Variants in GPATCH2 observed in about 807,000 individuals in gnomAD.
GPATCH2 encodes the protein G-patch domain containing 2.
In GPATCH2, 51 loss-of-function variants were observed where a neutral mutation model predicts 58.0. That is an observed-to-expected ratio of 0.88 (90% CI 0.70 to 1.11). The LOEUF is 1.11. GPATCH2 is among the 50% of genes most tolerant of loss of function. The pLI, the probability that GPATCH2 is intolerant of heterozygous loss-of-function variation, is 0.00. For missense variants in GPATCH2, 625 were observed against 652.2 expected, an observed-to-expected ratio of 0.96 and a Z score of 0.45; for synonymous variants, 222 against 218.5, an observed-to-expected ratio of 1.02 and a Z score of -0.14.
At chr1:217,557,057 C>A (rs868028771) in intron 5 of GPATCH2, among the ~76,000 whole-genome samples, 2 of 152,190 alleles carry the variant, frequency 1.3e-5, no homozygotes, top group Non-Finnish European at 2.9e-5. Context: ...GAAAAAGCCA[C>A]TCCCAGTCTG....
chr1:217,610,350 T>A lies in GPATCH2; in HGVS notation c.1069A>T (p.Lys357Ter), dbSNP rs1047971579. 3.1e-6 allele frequency: 5 copies of A among 1,603,552 alleles called. No homozygotes were observed. The Admixed American group carries it at 6.7e-5, about 21-fold the overall frequency. ...GAAGTTGGAGTCCCTCCAGATTTTT[T>A]AATATTCTTTGAAGACATTCCATGA... ...RLHGMSSKNI[K>*]KSGGTPTSMV... Residue 357 changes from lysine to a stop codon, truncating the protein, a stop_gained, in exon 5 of 10, where the codon AAA (lysine) becomes TAA (stop). Coordinates refer to ENST00000366935, the MANE Select transcript of GPATCH2 (RefSeq NM_018040.5). LOFTEE classifies it high-confidence loss of function.
At chr1:217,469,946 T>C (rs1168866661) in intron 8 of GPATCH2, among the ~76,000 whole-genome samples, 1 of 152,210 alleles carries the variant, frequency 6.6e-6, no homozygotes, top group African/African-American at 2.4e-5. Flanking sequence ...TTAGGACTGC[T>C]TGTTTGTTTT....
intron 7 of GPATCH2, among the ~76,000 whole-genome samples, chr1:217,495,371 G>C (rs1661958114): frequency 6.6e-6 from 1 of 152,180 alleles, no homozygotes; most frequent in African/African-American, 2.4e-5. Flanking sequence ...AAGCTCAGGA[G>C]TGCTTCTATT....
At chr1:217,452,630 T>C (rs893462288) in intron 8 of GPATCH2, among the ~76,000 whole-genome samples, 3 of 152,154 alleles carry the variant, frequency 2.0e-5, no homozygotes, top group South Asian at 2.1e-4. Flanking sequence ...ACAAAGATAG[T>C]GAAAAACAAA....
At position 217,450,218 on chromosome 1, in the gene GPATCH2, G is replaced by A. The variant is rs554393208; in HGVS notation, c.1278-881C>T. On this transcript the variant is annotated intron_variant, in intron 8 of 9. Coordinates refer to ENST00000366935, the MANE Select transcript of GPATCH2 (RefSeq NM_018040.5). ...TGGGATAGGGCCTGGGGAACATGAA[G>A]CAGAAATAAATGAAAGCATGTTTAT... Among the ~76,000 whole-genome samples, 15 of 152,084 alleles carry A rather than the reference G, an allele frequency of 9.9e-5. No individual in the cohort carries two copies. The East Asian group carries it at 2.7e-3, about 27-fold the overall frequency.
At position 217,564,050 on chromosome 1, in the gene GPATCH2, A is replaced by G. The variant is rs1666072786; in HGVS notation, c.1098+46271T>C. On this transcript the variant is annotated intron_variant, in intron 5 of 9. Coordinates refer to ENST00000366935, the MANE Select transcript of GPATCH2 (RefSeq NM_018040.5). The stretch of plus-strand genomic sequence containing the variant: ...CAACAGCAAAACTCCGTCTCGAAAA[A>G]AAAAAAAAAAAAAAAAAAAAAGAAG... Among the ~76,000 whole-genome samples, 13 of 92,854 alleles carry G rather than the reference A, an allele frequency of 1.4e-4. No individual in the cohort carries two copies. In the South Asian group the frequency reaches 3.2e-3, roughly 23 times the overall value. The allele number at this position is 92,854 out of a possible 152,430, so 60.9% of individuals were successfully genotyped here.
intron 8 of GPATCH2, among the ~76,000 whole-genome samples, chr1:217,463,641 C>CAA (rs201402598): frequency 0.029 from 2,388 of 81,886 alleles, 247 homozygotes; most frequent in Non-Finnish European, 0.042. Flanking sequence ...CTTATCACTC[C>CAA]AAAAAAAAAA....
chr1:217,521,006 A>C (rs1663424646), intron 5 of GPATCH2, among the ~76,000 whole-genome samples: 5 of 152,104 alleles, frequency 3.3e-5, no homozygotes, highest in Admixed American at 3.3e-4. Context: ...CACCATGCCC[A>C]GTTACTTCTT....
rs200660146 is a variant in GPATCH2 at position 217,505,624 on chromosome 1, CA to C, written c.1167-7230del. On this transcript the variant is annotated intron_variant, in intron 6 of 9. Coordinates refer to ENST00000366935, the MANE Select transcript of GPATCH2 (RefSeq NM_018040.5). ...TGAGGTCTCCTAAAAATGTACTTTT[CA>C]GAAGGAAAGAGCTATTGCAACTTAT... is the stretch of plus-strand genomic sequence containing the variant. 8.9e-3 allele frequency among the ~76,000 whole-genome samples: 1,356 copies of C among 152,142 alleles called. 7 individuals are homozygous for C. The highest frequency in any genetic ancestry group is 0.014 in the Non-Finnish European group (978 of 68,006).
chr1:217,431,148 G>A lies in GPATCH2; in HGVS notation c.1584C>T (p.Ala528=), dbSNP rs1484694598. ...AAACATTTCTTCTTTGCTTTTCTTA[G>A]GCGGATTTTCCTGCATTGGGGGTAG... ...ATTTPNAGKS[A] Residue 528 remains alanine, a synonymous_variant, in exon 10 of 10, where the codon GCC becomes GCT. Transcript: ENST00000366935. 7.1e-7 allele frequency: 1 copy of A among 1,401,718 alleles called. No homozygotes were observed. The highest frequency in any genetic ancestry group is 1.0e-6 in the Non-Finnish European group (1 of 986,054). The allele number at this position is 1,401,718 out of a possible 1,614,324, so 86.8% of individuals were successfully genotyped here.
At chr1:217,550,115 T>A (rs763753578) in intron 5 of GPATCH2, among the ~76,000 whole-genome samples, 2 of 152,088 alleles carry the variant, frequency 1.3e-5, no homozygotes, top group Non-Finnish European at 2.9e-5. Context: ...TGAGGCAGCA[T>A]GATTTAGTGA....
intron 6 of GPATCH2, among the ~76,000 whole-genome samples, chr1:217,508,967 A>T (rs1406782512): frequency 6.6e-6 from 1 of 152,182 alleles, no homozygotes; most frequent in Non-Finnish European, 1.5e-5. Flanking sequence ...CAATTCATAC[A>T]TTGTTGTGTT....
chr1:217,598,207 G>A (rs141691652), intron 5 of GPATCH2, among the ~76,000 whole-genome samples: 1,907 of 151,964 alleles, frequency 0.013, 30 homozygotes, highest in Middle Eastern at 0.051. Flanking sequence ...CCAACATATC[G>A]AAACCCTGAC....
At chr1:217,609,519 G>A in intron 5 of GPATCH2, 3 of 983,922 alleles carry the variant, frequency 3.0e-6, no homozygotes, top group Non-Finnish European at 3.6e-6. Context: ...TACAATGAAA[G>A]CTATACTATA....
intron 8 of GPATCH2, among the ~76,000 whole-genome samples, chr1:217,472,508 T>C (rs545431360): frequency 3.9e-5 from 6 of 152,178 alleles, no homozygotes; most frequent in African/African-American, 1.2e-4. Context: ...TTCACTGTGT[T>C]AGCCAAGATG....
chr1:217,535,428 C>A (rs1472641251), intron 5 of GPATCH2, among the ~76,000 whole-genome samples: 1 of 152,104 alleles, frequency 6.6e-6, no homozygotes, highest in East Asian at 1.9e-4. Context: ...CAGCTCACTG[C>A]AAGTTCCGCT....
At chr1:217,431,988 A>G (rs1658560459) in intron 9 of GPATCH2, among the ~76,000 whole-genome samples, 1 of 152,040 alleles carries the variant, frequency 6.6e-6, no homozygotes, top group African/African-American at 2.4e-5. Context: ...TTCCATGGCC[A>G]TGTTTAAATG....
chr1:217,507,318 T>C (rs1245906519), intron 6 of GPATCH2, among the ~76,000 whole-genome samples: 1 of 152,174 alleles, frequency 6.6e-6, no homozygotes, highest in Non-Finnish European at 1.5e-5. Flanking sequence ...CCTCACTCAA[T>C]AACATGTTGT....
chr1:217,458,647 G>C (rs1052319051), intron 8 of GPATCH2, among the ~76,000 whole-genome samples: 9 of 151,944 alleles, frequency 5.9e-5, no homozygotes, highest in African/African-American at 1.5e-4. Flanking sequence ...GCTAACATTA[G>C]AGCAATGTAT....
Sources: gnomAD v4.1 joint callset for allele counts (sites outside exome capture counted in the v4.1 genomes callset) on GRCh38, gnomAD v4.1.1 for gene constraint, MANE v1.5 for transcripts, NCBI Gene and HGNC (gene_info 2026-07-23, HGNC 2026-07-21) for gene names.